Variants in DDX4 observed in about 807,000 individuals in gnomAD.
DDX4 encodes DEAD-box helicase 4.
Under a neutral mutation model 100.0 loss-of-function variants are expected in DDX4, and 25 were observed. The observed-to-expected ratio is 0.25, with a 90% confidence interval of 0.18 to 0.35. The LOEUF is 0.35. Ranked by LOEUF, DDX4 falls within the 10% of genes least tolerant of loss-of-function variation. DDX4 has a pLI of 1.00. For missense variants in DDX4, 635 were observed against 882.4 expected (o/e 0.72, Z 3.55); for synonymous variants, 259 against 275.7 (o/e 0.94, Z 0.60).
Position 55,807,890 on chromosome 5 carries a change from A to C in DDX4, c.1616-5783A>C, listed in dbSNP as rs1198766320. Among the ~76,000 whole-genome samples, 4 of 152,244 alleles carry C rather than the reference A, an allele frequency of 2.6e-5. 1 individual carries two copies. The highest frequency in any genetic ancestry group is 4.1e-4 in the South Asian group (2 of 4,824). On this transcript the variant is annotated intron_variant, in intron 18 of 21. Transcript: ENST00000505374. ...CCTGCCTTGCTAGATTGAAGTTCTC[A>C]TGGATAATATCCTGCAGAGTGTTTT...
intron 18 of DDX4, among the ~76,000 whole-genome samples, chr5:55,810,471 A>G (rs1156268965): frequency 6.6e-6 from 1 of 152,064 alleles, no homozygotes; most frequent in Non-Finnish European, 1.5e-5. Context: ...GATCATCCCT[A>G]ATCCAAAACT....
intron 16 of DDX4, among the ~76,000 whole-genome samples, chr5:55,790,909 A>G (rs919747706): frequency 1.3e-5 from 2 of 152,230 alleles, no homozygotes; most frequent in African/African-American, 4.8e-5. Flanking sequence ...GGGAAAACAA[A>G]CTCAATGAGA....
intron 7 of DDX4, among the ~76,000 whole-genome samples, chr5:55,771,150 A>T (rs1030443748): frequency 3.9e-5 from 6 of 152,194 alleles, no homozygotes; most frequent in African/African-American, 1.4e-4. Flanking sequence ...ATATTAAAAT[A>T]TGTAGACAGG....
rs761754206 is a variant in DDX4 at position 55,746,273 on chromosome 5, T to C, written c.127+52T>C. 5.9e-6 allele frequency: 9 copies of C among 1,512,908 alleles called. No individual in the cohort carries two copies. In the East Asian group the frequency reaches 1.8e-4, roughly 31 times the overall value. The allele number at this position is 1,512,908 out of a possible 1,614,324, so 93.7% of individuals were successfully genotyped here. A position where few individuals can be genotyped will look rare whatever the true frequency, so the allele number is the denominator to read the frequency against. On this transcript the variant is annotated intron_variant, in intron 3 of 21. Coordinates refer to ENST00000505374, the MANE Select transcript of DDX4 (RefSeq NM_024415.3). ...CCCTTTTTAGTTTAAGGGTTTCATC[T>C]AGTGAATGAAGAGCAGCAGACTAGT...
At position 55,738,941 on chromosome 5, in the gene DDX4, T is replaced by TA. The variant is rs751525497; in HGVS notation, c.-14-8dup. 21 of 1,487,692 alleles carry TA rather than the reference T, an allele frequency of 1.4e-5. No homozygotes were observed. Among genetic ancestry groups the TA allele is most frequent in the Admixed American group, 3.4e-5 (2 of 58,144 alleles). The allele number at this position is 1,487,692 out of a possible 1,614,324, so 92.2% of individuals were successfully genotyped here. ...GTCCAAATGTGCATTTTTTTTTTTT[T>TA]ATGAATAGAACTTGAAGCCACCATG... On this transcript the variant is annotated splice_polypyrimidine_tract_variant and intron_variant, in intron 1 of 21. Transcript: ENST00000505374.
rs1342633148 is a variant in DDX4, at chr5:55,780,122, TA to T, written c.496+64del. On this transcript the variant is annotated intron_variant, in intron 8 of 21. Coordinates refer to ENST00000505374, the MANE Select transcript of DDX4 (RefSeq NM_024415.3). The stretch of plus-strand genomic sequence containing the variant: ...ATTAACTGTTAAAAAGAAAATGATT[TA>T]AAAAAATACGTATCAAAGAAGGTTG... The T allele has an allele frequency of 2.5e-6, 4 of 1,586,596 alleles. No homozygotes were observed. The East Asian group carries it at 6.8e-5, about 27-fold the overall frequency.
Position 55,771,468 on chromosome 5 carries a change from C to T in DDX4, c.394+3528C>T, listed in dbSNP as rs564248310. ...TAGATCATTATTACTGTTTAGTATT[C>T]TTTTGTTTTACTGTTTTTCTATTAG... On this transcript the variant is annotated intron_variant, in intron 7 of 21. Coordinates refer to ENST00000505374, the MANE Select transcript of DDX4 (RefSeq NM_024415.3). 1.2e-3 allele frequency among the ~76,000 whole-genome samples: 177 copies of T among 152,080 alleles called. 3 individuals are homozygous for T. The highest frequency in any genetic ancestry group is 4.1e-3 in the African/African-American group (171 of 41,494).
At chr5:55,783,806 T>G (rs894050342) in intron 10 of DDX4, among the ~76,000 whole-genome samples, 4 of 152,080 alleles carry the variant, frequency 2.6e-5, no homozygotes, top group East Asian at 3.9e-4. Flanking sequence ...ACCAGTAGTA[T>G]TGTTCAATTC....
chr5:55,765,410 A>T (rs1580540187), intron 6 of DDX4, among the ~76,000 whole-genome samples: 1 of 110,036 alleles, frequency 9.1e-6, no homozygotes, highest in Admixed American at 1.1e-4. Context: ...AAAAAAAAAA[A>T]AAAATATATA....
chr5:55,780,913 A>G (rs1025473662), intron 8 of DDX4, among the ~76,000 whole-genome samples, 153 bp from the exon 9 acceptor site: 3 of 152,330 alleles, frequency 2.0e-5, no homozygotes, highest in Middle Eastern at 3.4e-3. Context: ...AGTTTAATAG[A>G]ATAGTTTAAC....
intron 7 of DDX4, among the ~76,000 whole-genome samples, chr5:55,776,998 C>A (rs1190337564): frequency 2.6e-5 from 4 of 151,938 alleles, no homozygotes; most frequent in Non-Finnish European, 4.4e-5. Flanking sequence ...AAAAATATTT[C>A]TTAATAAGTA....
At chr5:55,788,450 G>A (rs1020587871) in intron 15 of DDX4, among the ~76,000 whole-genome samples, 2 of 151,958 alleles carry the variant, frequency 1.3e-5, no homozygotes, top group East Asian at 1.9e-4. Flanking sequence ...CACTCAGAGC[G>A]AGACCCTGTC....
chr5:55,747,784 G>T (rs574789455), intron 3 of DDX4, among the ~76,000 whole-genome samples: 1 of 152,274 alleles, frequency 6.6e-6, no homozygotes, highest in South Asian at 2.1e-4. Flanking sequence ...CGGTGAATTT[G>T]AGTTACTATA....
chr5:55,768,141 A>C (rs1741045059), intron 7 of DDX4: 1 of 555,158 alleles, frequency 1.8e-6, no homozygotes, highest in African/African-American at 1.9e-5. Context: ...TATTTTTTTA[A>C]GTTTTTGGTT....
At chr5:55,778,982 A>C (rs1199042926) in intron 7 of DDX4, among the ~76,000 whole-genome samples, 2 of 152,172 alleles carry the variant, frequency 1.3e-5, no homozygotes, top group Non-Finnish European at 2.9e-5. Flanking sequence ...GGCTAAGTAC[A>C]TAGTTGATAA....
At chr5:55,805,757 T>G (rs1453626508) in intron 18 of DDX4, among the ~76,000 whole-genome samples, 3 of 152,250 alleles carry the variant, frequency 2.0e-5, no homozygotes, top group African/African-American at 7.2e-5. Context: ...TGCATCAATG[T>G]TCATCAGGGA....
chr5:55,775,950 G>A (rs1166075898), intron 7 of DDX4, among the ~76,000 whole-genome samples: 5 of 152,012 alleles, frequency 3.3e-5, no homozygotes, highest in East Asian at 1.9e-4. Flanking sequence ...TTAAAACCCC[G>A]TCTCTACTAA....
chr5:55,775,299 C>A (rs188209371), intron 7 of DDX4, among the ~76,000 whole-genome samples: 1 of 152,134 alleles, frequency 6.6e-6, no homozygotes, highest in Non-Finnish European at 1.5e-5. Context: ...ATTGTAAGTC[C>A]GCTATGAACA....
intron 14 of DDX4, 75 bp downstream of exon 14, chr5:55,786,745 T>C: frequency 1.7e-6 from 2 of 1,203,986 alleles, no homozygotes; most frequent in South Asian, 2.7e-5. Flanking sequence ...TGGTTTCTTC[T>C]TTTGAGTAGA....
Sources: gnomAD v4.1 joint callset for allele counts (sites outside exome capture counted in the v4.1 genomes callset) on GRCh38, gnomAD v4.1.1 for gene constraint, MANE v1.5 for transcripts, NCBI Gene and HGNC (gene_info 2026-07-23, HGNC 2026-07-21) for gene names.